The following SLC67A1 variants were observed in gnomAD, a reference collection of about 807,000 sequenced individuals.
SLC67A1 encodes solute carrier family 67 member A1.
the SLC67A1 span, among the ~76,000 whole-genome samples, chr11:2,900,522 TC>T: frequency 2.0e-5 from 3 of 151,086 alleles, no homozygotes; most frequent in African/African-American, 7.3e-5. Flanking sequence ...TGAAACTCCG[TC>T]TCTACTAAAA....
the SLC67A1 span, among the ~76,000 whole-genome samples, chr11:2,913,433 T>C: frequency 2.0e-5 from 3 of 151,728 alleles, no homozygotes; most frequent in Non-Finnish European, 4.4e-5. Flanking sequence ...TGTGGTTTGG[T>C]TGGAGGGCTA....
chr11:2,922,081 AC>A, the SLC67A1 span: 1 of 1,589,566 alleles, frequency 6.3e-7, no homozygotes, highest in African/African-American at 1.4e-5. Flanking sequence ...ACCCACTTCT[AC>A]CCTCTCTGTC....
chr11:2,917,008 G>A, the SLC67A1 span: 9 of 528,746 alleles, frequency 1.7e-5, no homozygotes, highest in East Asian at 1.0e-4. Flanking sequence ...TAGGAGGGGA[G>A]GCCCAGACAG....
At chr11:2,921,915 C>T in the SLC67A1 span, 413 of 625,648 alleles carry the variant, frequency 6.6e-4, 3 homozygotes, top group East Asian at 8.0e-3. Flanking sequence ...CCCATCCTGA[C>T]GCAGTCACTG....
chr11:2,917,025 T>TTAGGAGGGGAG, the SLC67A1 span: 331 of 429,748 alleles, frequency 7.7e-4, 3 homozygotes, highest in Middle Eastern at 1.8e-3. Context: ...ACAGGGAAGG[T>TTAGGAGGGGAG]GCTAGGAGGG....
At chr11:2,922,417 C>A in the SLC67A1 span, 1 of 1,606,654 alleles carries the variant, frequency 6.2e-7, no homozygotes, top group South Asian at 1.1e-5. Flanking sequence ...CTCAGCTCGG[C>A]CCCCGCCTGC....
the SLC67A1 span, chr11:2,914,997 G>A: frequency 7.8e-4 from 772 of 985,478 alleles, 1 homozygote; most frequent in Non-Finnish European, 8.9e-4. Context: ...CGGAACCCCA[G>A]CAGCCAGAAA....
the SLC67A1 span, among the ~76,000 whole-genome samples, chr11:2,923,660 G>A: frequency 6.6e-6 from 1 of 152,202 alleles, no homozygotes; most frequent in Non-Finnish European, 1.5e-5. The surrounding 1 kb of genome is among the most constrained non-coding windows in gnomAD (Gnocchi z 6.5). Flanking sequence ...TCCTGGAGGA[G>A]GTTGGGCAGC....
chr11:2,906,608 C>T, the SLC67A1 span, among the ~76,000 whole-genome samples: 14 of 151,726 alleles, frequency 9.2e-5, no homozygotes, highest in Middle Eastern at 3.4e-3. Context: ...AGCAAACTAT[C>T]GCAAGGACAG....
At chr11:2,901,294 G>A in the SLC67A1 span, among the ~76,000 whole-genome samples, 1 of 152,240 alleles carries the variant, frequency 6.6e-6, no homozygotes, top group Non-Finnish European at 1.5e-5. Flanking sequence ...AGCCGGCCTT[G>A]GGCCACCTGG....
At chr11:2,914,766 G>A in the SLC67A1 span, 1 of 985,436 alleles carries the variant, frequency 1.0e-6, no homozygotes, top group South Asian at 4.7e-5. Context: ...GGCAAATAAG[G>A]CAGGTTTTGC....
At chr11:2,907,044 G>A in the SLC67A1 span, among the ~76,000 whole-genome samples, 5 of 151,964 alleles carry the variant, frequency 3.3e-5, no homozygotes, top group African/African-American at 4.8e-5. The surrounding 1 kb of genome is among the most constrained non-coding windows in gnomAD (Gnocchi z 6.7). Context: ...TCCCATCCTC[G>A]AGGGAGCAGG....
chr11:2,917,882 C>G, the SLC67A1 span: 1 of 783,860 alleles, frequency 1.3e-6, no homozygotes, highest in Admixed American at 2.8e-5. Context: ...GAAGCTTTAC[C>G]CTGGCGGGCG....
chr11:2,901,473 G>T, the SLC67A1 span, among the ~76,000 whole-genome samples: 9 of 152,252 alleles, frequency 5.9e-5, no homozygotes, highest in African/African-American at 1.9e-4. Context: ...CTTGCCTGGG[G>T]AGGAGGTGGG....
the SLC67A1 span, among the ~76,000 whole-genome samples, chr11:2,900,521 G>A: frequency 3.3e-5 from 5 of 151,784 alleles, no homozygotes; most frequent in African/African-American, 7.3e-5. Context: ...GTGAAACTCC[G>A]TCTCTACTAA....
chr11:2,908,164 C>A, the SLC67A1 span: 2 of 1,116,516 alleles, frequency 1.8e-6, no homozygotes, highest in South Asian at 1.2e-5. Flanking sequence ...CCTGCCCATC[C>A]AGGGACCCCA....
chr11:2,901,651 G>A, the SLC67A1 span, among the ~76,000 whole-genome samples: 1 of 152,228 alleles, frequency 6.6e-6, no homozygotes, highest in Non-Finnish European at 1.5e-5. Context: ...CTGTGTGCTG[G>A]CATCTCTGGT....
chr11:2,923,655 G>A, the SLC67A1 span, among the ~76,000 whole-genome samples: 2 of 152,190 alleles, frequency 1.3e-5, no homozygotes, highest in Non-Finnish European at 2.9e-5. This position sits in a 1 kb window ranked among gnomAD's most constrained non-coding sequence, Gnocchi z 6.5. Flanking sequence ...GGGCTTCCTG[G>A]AGGAGGTTGG....
the SLC67A1 span, among the ~76,000 whole-genome samples, chr11:2,901,363 G>C: frequency 1.2e-4 from 19 of 152,216 alleles, no homozygotes; most frequent in Admixed American, 7.9e-4. Context: ...TGCGATGTCC[G>C]TCCCACCCTG....
Sources: allele counts gnomAD v4.1 joint callset (sites outside exome capture counted in the v4.1 genomes callset), GRCh38; gene constraint gnomAD v4.1.1; non-coding constraint Gnocchi (gnomAD v3.1); transcripts MANE v1.5; gene names NCBI Gene and HGNC (gene_info 2026-07-23, HGNC 2026-07-21).